The following SF3B1 variants were observed in gnomAD, a reference collection of about 807,000 sequenced individuals.
SF3B1 encodes pre-mRNA processing 10.
Under a neutral mutation model 153.8 loss-of-function variants are expected in SF3B1, and 12 were observed. The observed-to-expected ratio is 0.08, with a 90% confidence interval of 0.05 to 0.13. The LOEUF is 0.13. SF3B1 is among the 10% of genes least tolerant of loss of function. The pLI is 1.00. For missense variants in SF3B1, 513 were observed against 1,606.1 expected, an observed-to-expected ratio of 0.32 and a Z score of 11.63; for synonymous variants, 498 against 525.2, an observed-to-expected ratio of 0.95 and a Z score of 0.71.
At position 197,416,891 on chromosome 2, in the gene SF3B1, T is replaced by C; in HGVS notation, c.516A>G (p.Leu172=). The C allele has an allele frequency of 1.2e-6, 2 of 1,612,924 alleles. No homozygotes were observed. Among genetic ancestry groups the C allele is most frequent in the Non-Finnish European group, 1.7e-6 (2 of 1,179,418 alleles). The change falls in exon 6 of 25, where the codon CTA becomes CTG. Residue 172 remains leucine, a synonymous_variant. Coordinates refer to ENST00000335508, the MANE Select transcript of SF3B1 (RefSeq NM_012433.4). ...TKEEREIRQQ[L]AEKAKAGELK... ...GTTCTCCAGCTTTAGCTTTTTCTGCTAGCTGTTGCCTAATTTCTCGCTGAA... is the reference window on the plus strand; with the variant it reads ...GTTCTCCAGCTTTAGCTTTTTCTGCCAGCTGTTGCCTAATTTCTCGCTGAA...
intron 2 of SF3B1, among the ~76,000 whole-genome samples, chr2:197,422,645 C>T (rs867195539): frequency 2.7e-4 from 41 of 152,112 alleles, no homozygotes; most frequent in African/African-American, 9.4e-4. Context: ...AATCCCAGCA[C>T]TCTGGGAGGC....
At chr2:197,425,991 G>C (rs1333026277) in intron 1 of SF3B1, among the ~76,000 whole-genome samples, 1 of 151,884 alleles carries the variant, frequency 6.6e-6, no homozygotes, top group Non-Finnish European at 1.5e-5. Flanking sequence ...GAGAGAGACT[G>C]TCTCAGAAAC....
intron 8 of SF3B1, 54 bp downstream of exon 8, chr2:197,408,315 A>T: frequency 6.5e-7 from 1 of 1,545,776 alleles, no homozygotes; most frequent in Admixed American, 1.7e-5. Flanking sequence ...ACAAAGGAAA[A>T]AATTAAATAA....
Position 197,402,857 on chromosome 2 carries a change from G to A in SF3B1, c.1807-31C>T, listed in dbSNP as rs758060941. 1 of 1,612,380 alleles carries A rather than the reference G, an allele frequency of 6.2e-7. No individual in the cohort carries two copies. Among genetic ancestry groups the A allele is most frequent in the Non-Finnish European group, 8.5e-7 (1 of 1,179,002 alleles). Reference sequence around the variant, plus strand: ...ATGTAAACAAAGAAAGGACAGTCATGAGTTGGTAATATTAATCTTCAACCA... The same window carrying A: ...ATGTAAACAAAGAAAGGACAGTCATAAGTTGGTAATATTAATCTTCAACCA... On this transcript the variant is annotated intron_variant, in intron 13 of 24. Coordinates refer to ENST00000335508, the MANE Select transcript of SF3B1 (RefSeq NM_012433.4). The surrounding 1 kb of genome is among the most constrained non-coding windows in gnomAD (Gnocchi z 4.6).
Position 197,435,017 on chromosome 2 carries a change from A to T in SF3B1, c.-18T>A. On this transcript the variant is annotated 5_prime_UTR_variant, in exon 1 of 25. Coordinates refer to ENST00000335508, the MANE Select transcript of SF3B1 (RefSeq NM_012433.4). ...TTCGCCATTTTGTCCACTCGAACACACAGACGGAACTGGCGCTCCCAAGAA... is the reference window on the plus strand; with the variant it reads ...TTCGCCATTTTGTCCACTCGAACACTCAGACGGAACTGGCGCTCCCAAGAA... The T allele has an allele frequency of 6.2e-7, 1 of 1,614,274 alleles. No homozygotes were observed. The highest frequency in any genetic ancestry group is 1.1e-5 in the South Asian group (1 of 91,090).
chr2:197,432,746 G>C (rs954227524), intron 1 of SF3B1, among the ~76,000 whole-genome samples: 1 of 152,046 alleles, frequency 6.6e-6, no homozygotes, highest in Non-Finnish European at 1.5e-5. Flanking sequence ...ACATGCCTGC[G>C]ATACTAGTAC....
chr2:197,429,336 T>C (rs1574559352), intron 1 of SF3B1, among the ~76,000 whole-genome samples: 2 of 152,206 alleles, frequency 1.3e-5, no homozygotes, highest in Non-Finnish European at 2.9e-5. Flanking sequence ...TGCACATCAA[T>C]AGTTTCTGCC....
At chr2:197,403,523 CATTG>C (rs754452424) in intron 12 of SF3B1, 58 bp downstream of exon 12, 1,068 of 1,101,890 alleles carry the variant, frequency 9.7e-4, no homozygotes, top group Admixed American at 1.2e-3. Context: ...GTAAATTTAA[CATTG>C]ATTAACTGAA....
intron 23 of SF3B1, among the ~76,000 whole-genome samples, chr2:197,393,733 G>A (rs975233242): frequency 1.3e-5 from 2 of 152,110 alleles, no homozygotes; most frequent in Non-Finnish European, 2.9e-5. Flanking sequence ...TTACAGGCGT[G>A]AGCCACCGTG....
At chr2:197,424,975 G>A (rs2085310276) in intron 1 of SF3B1, among the ~76,000 whole-genome samples, 1 of 151,958 alleles carries the variant, frequency 6.6e-6, no homozygotes, top group South Asian at 2.1e-4. Flanking sequence ...GCCTAGCCAA[G>A]ATGGTGAAAC....
chr2:197,405,613 AT>A, intron 9 of SF3B1, 141 bp from the exon 10 acceptor site: 1 of 636,696 alleles, frequency 1.6e-6, no homozygotes, highest in Non-Finnish European at 2.8e-6. Flanking sequence ...TTGCTTTTCT[AT>A]CTTAATTAGA....
At chr2:197,417,931 C>T (rs1056765237) in intron 5 of SF3B1, among the ~76,000 whole-genome samples, 2 of 151,694 alleles carry the variant, frequency 1.3e-5, no homozygotes, top group Admixed American at 1.3e-4. Context: ...CAACCTTCTC[C>T]ACACAGAAAC....
chr2:197,398,549 G>A lies in SF3B1; in HGVS notation c.3046C>T (p.Leu1016=), dbSNP rs776552025. The A allele has an allele frequency of 6.2e-7, 1 of 1,613,266 alleles. No individual in the cohort carries two copies. The highest frequency in any genetic ancestry group is 1.3e-5 in the African/African-American group (1 of 75,014). ...AAGATGGGGGTGAGTCTAGGCAGCA[G>A]ATCTTTAATTGGTGGAGTCATCTTA... ...MHKMTPPIKD[L]LPRLTPILKN... The change falls in exon 21 of 25, where the codon CTG becomes TTG. Residue 1016 remains leucine, a synonymous_variant. Coordinates refer to ENST00000335508, the MANE Select transcript of SF3B1 (RefSeq NM_012433.4).
intron 2 of SF3B1, 117 bp downstream of exon 2, chr2:197,423,691 T>G: frequency 1.1e-6 from 1 of 948,388 alleles, no homozygotes; most frequent in Non-Finnish European, 1.6e-6. Flanking sequence ...AGTTTTATCC[T>G]CTAAAAGATC....
intron 5 of SF3B1, among the ~76,000 whole-genome samples, chr2:197,418,272 T>A (rs1027078756): frequency 4.9e-5 from 3 of 61,210 alleles, no homozygotes; most frequent in Non-Finnish European, 1.2e-4. Context: ...AAATCCCTTG[T>A]GAGACACATA....
At chr2:197,423,674 C>G (rs1384588047) in intron 2 of SF3B1, 134 bp downstream of exon 2, 22 of 744,788 alleles carry the variant, frequency 3.0e-5, no homozygotes, top group Non-Finnish European at 4.8e-5. Context: ...GAGAGGATAC[C>G]TCCAGTAGTT....
intron 7 of SF3B1, among the ~76,000 whole-genome samples, chr2:197,409,354 C>T (rs1337569960): frequency 6.6e-6 from 1 of 151,736 alleles, no homozygotes; most frequent in Non-Finnish European, 1.5e-5. Flanking sequence ...GAGCTGAGAT[C>T]GCGCCATTGC....
intron 6 of SF3B1, among the ~76,000 whole-genome samples, chr2:197,412,067 G>A (rs1055621403): frequency 6.9e-6 from 1 of 144,934 alleles, no homozygotes; most frequent in Admixed American, 7.1e-5. Context: ...CCAAGATCAC[G>A]CCACTGCACT....
chr2:197,427,033 C>G (rs768458807), intron 1 of SF3B1, among the ~76,000 whole-genome samples: 3 of 152,180 alleles, frequency 2.0e-5, no homozygotes, highest in Non-Finnish European at 4.4e-5. Flanking sequence ...TATTCTGGAA[C>G]TAATTTCAGC....
Sources: allele counts gnomAD v4.1 joint callset (sites outside exome capture counted in the v4.1 genomes callset), GRCh38; gene constraint gnomAD v4.1.1; non-coding constraint Gnocchi (gnomAD v3.1); transcripts MANE v1.5; gene names NCBI Gene and HGNC (gene_info 2026-07-23, HGNC 2026-07-21).